RPS6KA2: variants seen among roughly 807,000 people sequenced by gnomAD.
The protein encoded by RPS6KA2 is ribosomal protein S6 kinase A2, also known as ribosomal protein S6 kinase alpha-2.
RPS6KA2 carries 42 observed loss-of-function variants against 91.8 expected under a neutral mutation model. The ratio of observed to expected loss-of-function variants is 0.46; its 90% CI spans 0.36 to 0.59. The LOEUF is 0.59. Among genes scored for constraint, RPS6KA2 ranks in the 20% least tolerant of loss-of-function variants. RPS6KA2 has a pLI of 0.00. For missense variants in RPS6KA2, 798 were observed against 978.5 expected (o/e 0.82, Z 2.46); for synonymous variants, 414 against 393.6 (o/e 1.05, Z -0.61).
chr6:166,451,247 G>A lies in RPS6KA2; in HGVS notation c.1076-14C>T. ...CGCCAGGAGAGTCTGTAGGTGACAG[G>A]GGCAGAGTTCAGATGCCACGAAAGC... On this transcript the variant is annotated splice_polypyrimidine_tract_variant and intron_variant, in intron 12 of 20. Coordinates refer to ENST00000265678, the MANE Select transcript of RPS6KA2 (RefSeq NM_021135.6). 1.2e-6 allele frequency: 2 copies of A among 1,613,506 alleles called. No homozygotes were observed. Among genetic ancestry groups the A allele is most frequent in the South Asian group, 1.1e-5 (1 of 91,024 alleles).
intron 2 of RPS6KA2, among the ~76,000 whole-genome samples, chr6:166,537,843 T>C (rs967184297): frequency 6.6e-6 from 1 of 152,250 alleles, no homozygotes; most frequent in African/African-American, 2.4e-5. Context: ...AGAAATCAAG[T>C]TGTCAGAGCC....
At chr6:166,853,785 G>T (rs1780812513) in intron 2 of RPS6KA2, among the ~76,000 whole-genome samples, 1 of 152,228 alleles carries the variant, frequency 6.6e-6, no homozygotes, top group Non-Finnish European at 1.5e-5. Context: ...GTCCCCAGGG[G>T]AGCCACGAGC....
intron 19 of RPS6KA2, 69 bp from the exon 20 acceptor site, chr6:166,414,000 A>G: frequency 2.0e-6 from 3 of 1,466,766 alleles, no homozygotes; most frequent in East Asian, 2.3e-5. Flanking sequence ...GAGCCTCCCC[A>G]GCAGAACTCC....
rs75969965 is a variant in RPS6KA2 at position 166,511,601 on chromosome 6, C to T, written c.299-1244G>A. On this transcript the variant is annotated intron_variant, in intron 3 of 20. Coordinates refer to ENST00000265678, the MANE Select transcript of RPS6KA2 (RefSeq NM_021135.6). ...AAGCTGCTACACCCAGGGCAGTATC[C>T]GGGACCTCACACAGCCCCATGAGCG... Among the ~76,000 whole-genome samples the T allele has an allele frequency of 7.8e-4, 118 of 152,236 alleles. 2 individuals carry two copies. The East Asian group carries it at 0.02, about 26-fold the overall frequency.
intron 1 of RPS6KA2, among the ~76,000 whole-genome samples, chr6:166,582,127 G>A (rs7771290): frequency 6.7e-6 from 1 of 149,912 alleles, no homozygotes; most frequent in Admixed American, 6.6e-5. Flanking sequence ...CCAGGGAGAG[G>A]TGAGATGGGG....
intron 1 of RPS6KA2, among the ~76,000 whole-genome samples, chr6:166,590,754 A>T (rs1369705981): frequency 1.3e-5 from 2 of 152,202 alleles, no homozygotes; most frequent in African/African-American, 4.8e-5. Flanking sequence ...AACTCATTTT[A>T]AAAAATTAAA....
intron 1 of RPS6KA2, among the ~76,000 whole-genome samples, chr6:166,550,800 A>T (rs1332479687): frequency 6.6e-6 from 1 of 152,020 alleles, no homozygotes; most frequent in Non-Finnish European, 1.5e-5. Flanking sequence ...CAGGAGATCG[A>T]CACCATCCTG....
At chr6:166,478,511 C>G (rs1781066890) in intron 10 of RPS6KA2, among the ~76,000 whole-genome samples, 1 of 152,206 alleles carries the variant, frequency 6.6e-6, no homozygotes, top group African/African-American at 2.4e-5. Context: ...CTGGCTGGTA[C>G]TGCAGGCTTT....
intron 2 of RPS6KA2, among the ~76,000 whole-genome samples, chr6:166,838,655 A>C (rs976567242): frequency 6.6e-6 from 1 of 152,238 alleles, no homozygotes; most frequent in Non-Finnish European, 1.5e-5. Context: ...AATACACAGC[A>C]GTCCTTCCCA....
chr6:166,551,665 T>C (rs553420710), intron 1 of RPS6KA2, among the ~76,000 whole-genome samples: 1 of 152,184 alleles, frequency 6.6e-6, no homozygotes, highest in African/African-American at 2.4e-5. Flanking sequence ...AGTTATTGCA[T>C]TCTAAAAGAT....
intron 3 of RPS6KA2, among the ~76,000 whole-genome samples, chr6:166,524,088 C>T (rs537593489): frequency 5.9e-5 from 9 of 152,276 alleles, no homozygotes; most frequent in African/African-American, 2.2e-4. Context: ...ATGAGAGTGA[C>T]CCACCACACA....
intron 2 of RPS6KA2, among the ~76,000 whole-genome samples, chr6:166,832,794 T>G (rs1267409498): frequency 1.3e-5 from 2 of 152,246 alleles, no homozygotes; most frequent in Non-Finnish European, 1.5e-5. Context: ...GAAGTATATT[T>G]AAATGTCATT....
intron 2 of RPS6KA2, among the ~76,000 whole-genome samples, chr6:166,673,486 G>A (rs958976421): frequency 5.3e-5 from 8 of 152,114 alleles, no homozygotes; most frequent in South Asian, 2.1e-4. Context: ...GTGCCCTGTC[G>A]ACAACTCTGC....
chr6:166,811,614 ACCTAG>A (rs1779641688), intron 2 of RPS6KA2, among the ~76,000 whole-genome samples: 1 of 152,228 alleles, frequency 6.6e-6, no homozygotes, highest in Non-Finnish European at 1.5e-5. Context: ...ACAGGGCAAG[ACCTAG>A]CCTCAGAAAA....
chr6:166,823,359 G>A (rs1219740161), intron 2 of RPS6KA2, among the ~76,000 whole-genome samples: 1 of 152,082 alleles, frequency 6.6e-6, no homozygotes, highest in Non-Finnish European at 1.5e-5. Flanking sequence ...CAGATAACTG[G>A]TGAAAGTCAA....
intron 2 of RPS6KA2, among the ~76,000 whole-genome samples, chr6:166,736,361 G>GCT (rs1790669335): frequency 6.6e-6 from 1 of 152,062 alleles, no homozygotes; most frequent in African/African-American, 2.4e-5. Flanking sequence ...GGGGCACACC[G>GCT]TAACTGTGTG....
intron 1 of RPS6KA2, among the ~76,000 whole-genome samples, chr6:166,575,463 G>A (rs773498522): frequency 2.6e-5 from 4 of 152,276 alleles, no homozygotes; most frequent in East Asian, 1.9e-4. Context: ...TGTGTTTATC[G>A]TGTGAGGCTT....
chr6:166,469,760 C>T, intron 11 of RPS6KA2, 81 bp downstream of exon 11: 1 of 1,253,016 alleles, frequency 8.0e-7, no homozygotes, highest in Non-Finnish European at 1.2e-6. Context: ...ACACTGAGGA[C>T]CCTCTGCACC....
At chr6:166,471,706 G>C (rs115775113) in intron 10 of RPS6KA2, among the ~76,000 whole-genome samples, 190 of 152,358 alleles carry the variant, frequency 1.2e-3, no homozygotes, top group African/African-American at 4.3e-3. Context: ...GGCTGACACA[G>C]GTTGGGTAGC....
Sources: allele counts gnomAD v4.1 joint callset (sites outside exome capture counted in the v4.1 genomes callset), GRCh38; gene constraint gnomAD v4.1.1; transcripts MANE v1.5; gene names NCBI Gene and HGNC (gene_info 2026-07-23, HGNC 2026-07-21).